The following DGKI variants were observed in gnomAD, a reference collection of about 807,000 sequenced individuals.
DGKI encodes the protein DAG kinase iota.
DGKI carries 55 observed loss-of-function variants against 147.5 expected under a neutral mutation model. The ratio of observed to expected loss-of-function variants is 0.37; its 90% CI spans 0.30 to 0.47. The LOEUF is 0.47. Among genes scored for constraint, DGKI ranks in the 20% least tolerant of loss-of-function variants. DGKI has a pLI of 1.00. For synonymous variants in DGKI, 469 were observed against 477.1 expected (o/e 0.98, Z 0.22); for missense variants, 1,007 against 1,323.8 (o/e 0.76, Z 3.71).
At chr7:137,560,167 G>GA (rs1426058005) in intron 19 of DGKI, among the ~76,000 whole-genome samples, 1 of 151,638 alleles carries the variant, frequency 6.6e-6, no homozygotes, top group African/African-American at 2.4e-5. Context: ...ATAATAAAAT[G>GA]AAAAAAACAA....
At chr7:137,423,069 T>C (rs1037657722) in intron 28 of DGKI, among the ~76,000 whole-genome samples, 36 of 152,210 alleles carry the variant, frequency 2.4e-4, no homozygotes, top group African/African-American at 7.2e-4. Flanking sequence ...TTCATCCCTA[T>C]AATGTTGAGA....
intron 6 of DGKI, among the ~76,000 whole-genome samples, chr7:137,642,270 T>A (rs1821655656): frequency 8.4e-6 from 1 of 118,358 alleles, no homozygotes; most frequent in Non-Finnish European, 1.5e-5. Context: ...TATGTGGAGC[T>A]GGGTATCTAC....
intron 1 of DGKI, among the ~76,000 whole-genome samples, chr7:137,733,597 T>A (rs10227154): frequency 0.02 from 2,986 of 152,178 alleles, 98 homozygotes; most frequent in African/African-American, 0.067. Flanking sequence ...CATCAGGTAC[T>A]CTACTAAGCA....
intron 1 of DGKI, among the ~76,000 whole-genome samples, chr7:137,815,187 T>A (rs1340917148): frequency 3.3e-5 from 5 of 152,090 alleles, no homozygotes; most frequent in African/African-American, 1.2e-4. Context: ...TAAAAATTCA[T>A]CCCCCCTCCT....
intron 1 of DGKI, among the ~76,000 whole-genome samples, chr7:137,726,198 TTCA>T (rs1794712631): frequency 6.6e-6 from 1 of 152,152 alleles, no homozygotes; most frequent in Admixed American, 6.5e-5. Flanking sequence ...CCTTTCAGAC[TTCA>T]TCACTCTCAA....
chr7:137,764,340 G>A (rs1458081104), intron 1 of DGKI, among the ~76,000 whole-genome samples: 1 of 152,134 alleles, frequency 6.6e-6, no homozygotes, highest in Non-Finnish European at 1.5e-5. Context: ...ATTGAGAAAG[G>A]GTCAGAGTTC....
chr7:137,701,140 T>C (rs1410974081), intron 1 of DGKI, among the ~76,000 whole-genome samples: 1 of 151,514 alleles, frequency 6.6e-6, no homozygotes, highest in Admixed American at 6.6e-5. Flanking sequence ...TTCACATGTA[T>C]CCTGCAGGCC....
intron 1 of DGKI, among the ~76,000 whole-genome samples, chr7:137,783,986 C>T (rs1425925635): frequency 6.6e-6 from 1 of 152,160 alleles, no homozygotes; most frequent in Non-Finnish European, 1.5e-5. Context: ...AGCTCTAAAT[C>T]TTGAAACAAA....
At chr7:137,717,494 T>G (rs559508325) in intron 1 of DGKI, among the ~76,000 whole-genome samples, 27 of 152,332 alleles carry the variant, frequency 1.8e-4, no homozygotes, top group African/African-American at 5.5e-4. Flanking sequence ...GAAGATGCTA[T>G]GGAGCTTCTT....
chr7:137,768,401 C>T (rs6467717), intron 1 of DGKI, among the ~76,000 whole-genome samples: 71,709 of 151,944 alleles, frequency 0.47, 19,921 homozygotes, highest in African/African-American at 0.79. Context: ...GTGAATACTT[C>T]ATTTTTAGAA....
At chr7:137,610,434 T>G (rs890345459) in intron 8 of DGKI, among the ~76,000 whole-genome samples, 1 of 152,212 alleles carries the variant, frequency 6.6e-6, no homozygotes, top group African/African-American at 2.4e-5. Context: ...TCTCTTAATA[T>G]TTGATACAGA....
chr7:137,715,827 T>G (rs12707372), intron 1 of DGKI, among the ~76,000 whole-genome samples: 50,025 of 151,962 alleles, frequency 0.33, 8,981 homozygotes, highest in South Asian at 0.5. Context: ...ATTCTGCTTG[T>G]AAGAGAGAAG....
At position 137,609,042 on chromosome 7, in the gene DGKI, A is replaced by G; in HGVS notation, c.1091T>C (p.Phe364Ser). ...AGGAGAAGAGATGGGTTTTATCACAAAAGGACGACCTTTGTTTTCCTGCTG... is the reference window on the plus strand; with the variant it reads ...AGGAGAAGAGATGGGTTTTATCACAGAAGGACGACCTTTGTTTTCCTGCTG... Reference protein sequence around the residue: ...GMEQENKGRPFVIKPISSPLM... With the variant: ...GMEQENKGRPSVIKPISSPLM... The change falls in exon 10 of 33, where the codon TTT becomes TCT. Residue 364 changes from phenylalanine (F) to serine (S), a missense_variant. By Grantham distance (155) the Phe-to-Ser change is radical. This residue lies in a region of DGKI where 259 missense variants were observed against 362.5 expected (regional missense o/e 0.71). Coordinates refer to ENST00000614521, the MANE Select transcript of DGKI (RefSeq NM_001321708.2). 6.2e-7 allele frequency: 1 copy of G among 1,613,702 alleles called. No homozygotes were observed. The highest frequency in any genetic ancestry group is 8.5e-7 in the Non-Finnish European group (1 of 1,179,680).
At chr7:137,757,451 C>T (rs1035651988) in intron 1 of DGKI, among the ~76,000 whole-genome samples, 11 of 152,136 alleles carry the variant, frequency 7.2e-5, no homozygotes, top group African/African-American at 2.7e-4. Flanking sequence ...ATTCTGTGTT[C>T]AGCCCCTCTT....
intron 21 of DGKI, among the ~76,000 whole-genome samples, chr7:137,508,990 T>C (rs1000141345): frequency 6.6e-6 from 1 of 152,026 alleles, no homozygotes; most frequent in Non-Finnish European, 1.5e-5. Flanking sequence ...AATAAGGAAC[T>C]CAAGGAGGAG....
intron 1 of DGKI, among the ~76,000 whole-genome samples, chr7:137,796,032 G>T (rs901541707): frequency 1.1e-4 from 16 of 152,272 alleles, no homozygotes; most frequent in Admixed American, 9.2e-4. Context: ...GTAAGGATAT[G>T]ATTTCCAAGG....
At chr7:137,832,966 A>G (rs1798260416) in intron 1 of DGKI, among the ~76,000 whole-genome samples, 1 of 152,206 alleles carries the variant, frequency 6.6e-6, no homozygotes, top group African/African-American at 2.4e-5. Flanking sequence ...AAAACATAGC[A>G]AGAGTCACCT....
intron 3 of DGKI, among the ~76,000 whole-genome samples, chr7:137,661,163 C>T (rs1431130100): frequency 6.6e-6 from 1 of 152,164 alleles, no homozygotes; most frequent in Non-Finnish European, 1.5e-5. Flanking sequence ...AGAGCTCCCA[C>T]TGAGCTTGCC....
intron 20 of DGKI, among the ~76,000 whole-genome samples, chr7:137,547,408 T>C (rs1461781554): frequency 6.6e-6 from 1 of 152,238 alleles, no homozygotes; most frequent in Non-Finnish European, 1.5e-5. Flanking sequence ...TCTAGTGGCA[T>C]CATGAAGCCC....
Sources: allele counts gnomAD v4.1 joint callset (sites outside exome capture counted in the v4.1 genomes callset), GRCh38; gene constraint gnomAD v4.1.1; regional missense constraint gnomAD v4.1.1; transcripts MANE v1.5; gene names NCBI Gene and HGNC (gene_info 2026-07-23, HGNC 2026-07-21).